HSDL2: variants seen among roughly 807,000 people sequenced by gnomAD.
The protein encoded by HSDL2 is hydroxysteroid dehydrogenase like 2, also known as hydroxysteroid dehydrogenase-like protein 2.
HSDL2 carries 27 observed loss-of-function variants against 46.3 expected under a neutral mutation model. The observed-to-expected ratio is 0.58, with a 90% CI of 0.43 to 0.80. The LOEUF (loss-of-function observed/expected upper bound fraction) is 0.80. HSDL2 is among the 30% of genes least tolerant of loss of function. The pLI, the probability that HSDL2 is intolerant of heterozygous loss-of-function variation, is 0.00. For synonymous variants in HSDL2, 153 were observed against 163.6 expected, an observed-to-expected ratio of 0.94 and a Z score of 0.50; for missense variants, 451 against 502.7, an observed-to-expected ratio of 0.90 and a Z score of 0.98.
chr9:112,422,452 A>G (rs1296864245), intron 6 of HSDL2, among the ~76,000 whole-genome samples: 1 of 152,220 alleles, frequency 6.6e-6, no homozygotes, highest in African/African-American at 2.4e-5. Context: ...GGAACTAAAA[A>G]TAGATTGTGT....
At chr9:112,436,275 T>G (rs1832522347) in intron 6 of HSDL2, among the ~76,000 whole-genome samples, 1 of 149,402 alleles carries the variant, frequency 6.7e-6, no homozygotes, top group South Asian at 2.1e-4. Context: ...AAATTATTCC[T>G]AGTAAATGAT....
At chr9:112,459,628 T>C in intron 10 of HSDL2, 51 bp downstream of exon 10, 1 of 1,527,726 alleles carries the variant, frequency 6.5e-7, no homozygotes, top group Non-Finnish European at 9.0e-7. Context: ...AAAATTTAGT[T>C]CTGACATTTT....
At chr9:112,411,830 G>A (rs1347781686) in intron 4 of HSDL2, among the ~76,000 whole-genome samples, 1 of 152,146 alleles carries the variant, frequency 6.6e-6, no homozygotes, top group African/African-American at 2.4e-5. Context: ...ATATTTTACA[G>A]CTGGCAACTT....
intron 8 of HSDL2, 42 bp from the exon 9 acceptor site, chr9:112,453,971 C>A: frequency 3.2e-6 from 5 of 1,587,068 alleles, no homozygotes; most frequent in Non-Finnish European, 4.3e-6. Context: ...GGGTCCTTCA[C>A]TGCCAAGCAT....
In HSDL2 at chr9:112,459,532, G is replaced by T; in HGVS notation, c.1099G>T (p.Val367Leu). The T allele has an allele frequency of 6.2e-7, 1 of 1,613,906 alleles. No homozygotes were observed. Among genetic ancestry groups the T allele is most frequent in the Non-Finnish European group, 8.5e-7 (1 of 1,179,794 alleles). The change falls in exon 10 of 11, where the codon GTG becomes TTG. Residue 367 changes from valine to leucine, a missense_variant. Coordinates refer to ENST00000398805, the MANE Select transcript of HSDL2 (RefSeq NM_032303.5). Reference sequence around the variant, plus strand: ...TGGAGAGCCTTCTGATCAGGCAGATGTGGTGATGAGTATGACTACTGATGA... The same window carrying T: ...TGGAGAGCCTTCTGATCAGGCAGATTTGGTGATGAGTATGACTACTGATGA... ...GYGEPSDQAD[V>L]VMSMTTDDFV...
At chr9:112,382,232 T>G (rs1303279682) in intron 1 of HSDL2, among the ~76,000 whole-genome samples, 1 of 152,100 alleles carries the variant, frequency 6.6e-6, no homozygotes, top group African/African-American at 2.4e-5. Flanking sequence ...TGCCCTGCCC[T>G]CCACCCTGCG....
chr9:112,423,831 A>G (rs748137863), intron 6 of HSDL2, among the ~76,000 whole-genome samples: 7 of 151,646 alleles, frequency 4.6e-5, no homozygotes, highest in Admixed American at 1.3e-4. Context: ...CTTGTGCCTC[A>G]GCCTCCCGAA....
At chr9:112,448,018 C>A (rs1832789573) in intron 8 of HSDL2, among the ~76,000 whole-genome samples, 1 of 152,094 alleles carries the variant, frequency 6.6e-6, no homozygotes, top group Non-Finnish European at 1.5e-5. Context: ...AAATCCGGTG[C>A]CCGCCACTTA....
chr9:112,402,831 G>T (rs1831639035), intron 1 of HSDL2, among the ~76,000 whole-genome samples: 1 of 152,122 alleles, frequency 6.6e-6, no homozygotes, highest in African/African-American at 2.4e-5. Flanking sequence ...TGAAGCAGGA[G>T]AATTGTTTGA....
At chr9:112,424,813 AT>A (rs1388089897) in intron 6 of HSDL2, among the ~76,000 whole-genome samples, 3 of 151,154 alleles carry the variant, frequency 2.0e-5, no homozygotes, top group Admixed American at 1.3e-4. Context: ...TTATATTTAT[AT>A]TTTTTCAATA....
chr9:112,465,535 T>C (rs1228657125), intron 10 of HSDL2, among the ~76,000 whole-genome samples: 1 of 152,238 alleles, frequency 6.6e-6, no homozygotes, highest in Non-Finnish European at 1.5e-5. Flanking sequence ...TGCAGAGGAA[T>C]ACCTGTACCA....
chr9:112,407,712 C>T (rs763006864), intron 3 of HSDL2, among the ~76,000 whole-genome samples: 2 of 152,212 alleles, frequency 1.3e-5, no homozygotes, highest in African/African-American at 2.4e-5. Flanking sequence ...CCACTGTCCC[C>T]AGCCTTGAAT....
At chr9:112,436,097 G>C (rs1476077112) in intron 6 of HSDL2, among the ~76,000 whole-genome samples, 1 of 151,180 alleles carries the variant, frequency 6.6e-6, no homozygotes, top group Non-Finnish European at 1.5e-5. Flanking sequence ...AAACATAGCA[G>C]GACCCCATTT....
intron 1 of HSDL2, among the ~76,000 whole-genome samples, chr9:112,390,029 C>T (rs1831304444): frequency 1.3e-5 from 2 of 150,596 alleles, no homozygotes; most frequent in South Asian, 2.1e-4. Flanking sequence ...CACGCCCCTA[C>T]ACTCCAGCCT....
intron 9 of HSDL2, among the ~76,000 whole-genome samples, chr9:112,457,299 C>G (rs1302393406): frequency 6.6e-6 from 1 of 152,204 alleles, no homozygotes; most frequent in African/African-American, 2.4e-5. Context: ...GAGAAACAAG[C>G]TGAAGCAGTC....
intron 2 of HSDL2, among the ~76,000 whole-genome samples, chr9:112,405,081 G>T (rs1564109861): frequency 6.6e-6 from 1 of 152,190 alleles, no homozygotes; most frequent in Non-Finnish European, 1.5e-5. Flanking sequence ...ACTGGGTGAG[G>T]TGGCTCAAGC....
intron 8 of HSDL2, among the ~76,000 whole-genome samples, chr9:112,446,731 G>C (rs1441926049): frequency 2.0e-5 from 3 of 152,168 alleles, no homozygotes; most frequent in Non-Finnish European, 4.4e-5. Flanking sequence ...GCCATGCCTT[G>C]GGGCATGTAC....
chr9:112,425,212 G>A (rs2132652726), intron 6 of HSDL2, among the ~76,000 whole-genome samples: 1 of 152,192 alleles, frequency 6.6e-6, no homozygotes, highest in Admixed American at 6.5e-5. Context: ...AAATGTGATA[G>A]TTAAAGCATT....
chr9:112,470,524 C>A lies in HSDL2; in HGVS notation c.1237C>A (p.Gln413Lys). 1 of 1,598,366 alleles carries A rather than the reference C, an allele frequency of 6.3e-7. No individual in the cohort carries two copies. The highest frequency in any genetic ancestry group is 8.6e-7 in the Non-Finnish European group (1 of 1,167,186). ...LAIKLEKLMN[Q>K]MNARL ...AATCAAATTGGAGAAGCTAATGAAT[C>A]AGATGAATGCCAGACTGTGAAGGAA... The change falls in exon 11 of 11, where the codon CAG becomes AAG. Residue 413 changes from glutamine (Q) to lysine (K), a missense_variant. Transcript: ENST00000398805.
Sources: gnomAD v4.1 joint callset for allele counts (sites outside exome capture counted in the v4.1 genomes callset) on GRCh38, gnomAD v4.1.1 for gene constraint, MANE v1.5 for transcripts, NCBI Gene and HGNC (gene_info 2026-07-23, HGNC 2026-07-21) for gene names.